Variants in CNTNAP4 observed in about 807,000 individuals in gnomAD.
CNTNAP4 encodes the protein contactin-associated protein-like 4.
CNTNAP4 carries 98 observed loss-of-function variants against 148.4 expected under a neutral mutation model. That is an observed-to-expected ratio of 0.66 (90% CI 0.56 to 0.78). CNTNAP4 has a LOEUF of 0.78. Ranked by LOEUF, CNTNAP4 falls within the 30% of genes least tolerant of loss-of-function variation. The pLI is 0.00. For missense variants in CNTNAP4, 1,935 were observed against 1,565.6 expected, an observed-to-expected ratio of 1.24 and a Z score of -3.98; for synonymous variants, 730 against 565.1, an observed-to-expected ratio of 1.29 and a Z score of -4.14.
chr16:76,430,238 T>A (rs1163514245), intron 4 of CNTNAP4, among the ~76,000 whole-genome samples: 2 of 152,208 alleles, frequency 1.3e-5, no homozygotes, highest in East Asian at 3.8e-4. Context: ...TCTTCTGATT[T>A]GTTCCTAGTA....
chr16:76,387,626 C>A (rs1046893684), intron 3 of CNTNAP4, among the ~76,000 whole-genome samples: 2 of 152,050 alleles, frequency 1.3e-5, no homozygotes, highest in African/African-American at 4.8e-5. Context: ...AGCAATTGCC[C>A]TCTGAAACTT....
At chr16:76,377,025 C>G (rs143631288) in intron 3 of CNTNAP4, among the ~76,000 whole-genome samples, 24 of 151,038 alleles carry the variant, frequency 1.6e-4, no homozygotes, top group African/African-American at 5.4e-4. Flanking sequence ...CTCGTGCAAT[C>G]GACAGGCTTG....
intron 3 of CNTNAP4, among the ~76,000 whole-genome samples, chr16:76,371,402 C>T (rs2014804934): frequency 1.3e-5 from 2 of 152,326 alleles, no homozygotes; most frequent in Admixed American, 1.3e-4. Flanking sequence ...TCTCCTGCCT[C>T]AGCCTCCTGA....
chr16:76,412,729 A>G (rs552785358), intron 3 of CNTNAP4, among the ~76,000 whole-genome samples: 3 of 151,430 alleles, frequency 2.0e-5, no homozygotes, highest in African/African-American at 7.2e-5. Flanking sequence ...GGATACTAAT[A>G]TACTGAAAAA....
chr16:76,474,926 A>G (rs2081509395), intron 10 of CNTNAP4, among the ~76,000 whole-genome samples: 1 of 152,226 alleles, frequency 6.6e-6, no homozygotes, highest in Admixed American at 6.5e-5. Context: ...ATTATTTTTA[A>G]TTAAACACAG....
chr16:76,499,327 C>A (rs1329276709), intron 15 of CNTNAP4, among the ~76,000 whole-genome samples: 1 of 152,088 alleles, frequency 6.6e-6, no homozygotes, highest in East Asian at 1.9e-4. Context: ...TCCATTCATA[C>A]CTCCAGTCAC....
At position 76,560,642 on chromosome 16, in the gene CNTNAP4, C is replaced by G. The variant is rs1260375475; in HGVS notation, c.*1959C>G. On this transcript the variant is annotated 3_prime_UTR_variant, in exon 24 of 24. Transcript: ENST00000611870. ...TCACAGTCCTCTGTGGTCTGCACTG[C>G]TAGAGACTCAACATTATGGCATGGA... 6.6e-6 allele frequency among the ~76,000 whole-genome samples: 1 copy of G among 152,164 alleles called. No homozygotes were observed. Among genetic ancestry groups the G allele is most frequent in the Admixed American group, 6.5e-5 (1 of 15,274 alleles).
rs372239002 is a variant in CNTNAP4 at position 76,489,993 on chromosome 16, TATA to T, written c.2080+111_2080+113del. ...AGTGGTGGTGTCTAGCCACTGAGGGTATATGATCTCACATACTTAGTAAACATG... is the reference window on the plus strand; with the variant it reads ...AGTGGTGGTGTCTAGCCACTGAGGGTTGATCTCACATACTTAGTAAACATG... On this transcript the variant is annotated intron_variant, in intron 13 of 23. Transcript: ENST00000611870. 1,995 of 570,426 alleles carry T rather than the reference TATA, an allele frequency of 3.5e-3. 16 individuals are homozygous for T. The highest frequency in any genetic ancestry group is 0.018 in the South Asian group (389 of 22,130). The allele number at this position is 570,426 out of a possible 1,614,324, so 35.3% of individuals were successfully genotyped here.
chr16:76,390,050 C>T (rs1394238136), intron 3 of CNTNAP4, among the ~76,000 whole-genome samples: 1 of 152,080 alleles, frequency 6.6e-6, no homozygotes, highest in African/African-American at 2.4e-5. Flanking sequence ...TTCTAGGAGC[C>T]AGTATACTTC....
At position 76,560,661 on chromosome 16, in the gene CNTNAP4, G is replaced by T. The variant is rs1401956104; in HGVS notation, c.*1978G>T. On this transcript the variant is annotated 3_prime_UTR_variant, in exon 24 of 24. Coordinates refer to ENST00000611870, the MANE Select transcript of CNTNAP4 (RefSeq NM_033401.5). ...GCACTGCTAGAGACTCAACATTATG[G>T]CATGGAAATGCATTGACACATCCTA... is the stretch of plus-strand genomic sequence containing the variant. Among the ~76,000 whole-genome samples the T allele has an allele frequency of 6.6e-6, 1 of 152,264 alleles. No homozygotes were observed. The highest frequency in any genetic ancestry group is 1.5e-5 in the Non-Finnish European group (1 of 68,010).
intron 8 of CNTNAP4, among the ~76,000 whole-genome samples, chr16:76,459,143 C>A (rs8053155): frequency 0.5 from 75,269 of 151,904 alleles, 18,841 homozygotes; most frequent in African/African-American, 0.58. Flanking sequence ...AATGAGATGT[C>A]GGAGAAATGC....
At chr16:76,485,599 A>G (rs1354707158) in intron 12 of CNTNAP4, among the ~76,000 whole-genome samples, 1 of 152,154 alleles carries the variant, frequency 6.6e-6, no homozygotes, top group Non-Finnish European at 1.5e-5. Context: ...TGGTCCCATT[A>G]CTGAGACTCC....
intron 23 of CNTNAP4, chr16:76,557,319 A>G (rs577328720): frequency 7.2e-5 from 11 of 152,176 alleles, no homozygotes; most frequent in African/African-American, 2.4e-4. Context: ...CTGAACAACC[A>G]TAGTTTGTCT....
chr16:76,335,028 C>T (rs911487185), intron 2 of CNTNAP4, among the ~76,000 whole-genome samples: 9 of 151,984 alleles, frequency 5.9e-5, no homozygotes, highest in African/African-American at 1.2e-4. Flanking sequence ...GGCAAGCACT[C>T]GATAGACACC....
rs1387057414 is a variant in CNTNAP4, at chr16:76,508,541, T to G, written c.2365+9847T>G. 4.4e-5 allele frequency among the ~76,000 whole-genome samples: 4 copies of G among 91,480 alleles called. 2 individuals carry two copies. Among genetic ancestry groups the G allele is most frequent in the Non-Finnish European group, 1.2e-4 (4 of 33,182 alleles). The allele number at this position is 91,480 out of a possible 152,430, so 60.0% of individuals were successfully genotyped here. On this transcript the variant is annotated intron_variant, in intron 15 of 23. Transcript: ENST00000611870. ...TGGTCTATTTTGCTTTTTTTTTTTG[T>G]TCACTTTTTTATTACCAACCAATAA... is the stretch of plus-strand genomic sequence containing the variant.
chr16:76,450,793 T>C (rs981144648), intron 7 of CNTNAP4, among the ~76,000 whole-genome samples: 19 of 152,030 alleles, frequency 1.2e-4, no homozygotes, highest in Admixed American at 6.6e-5. Flanking sequence ...CTTGGTTAGG[T>C]TTCAGTTAGG....
chr16:76,470,749 T>A (rs192269278), intron 10 of CNTNAP4, among the ~76,000 whole-genome samples: 355 of 150,998 alleles, frequency 2.4e-3, no homozygotes, highest in Middle Eastern at 6.8e-3. Context: ...AAAAAAAAAC[T>A]GTAATACTTT....
At chr16:76,415,844 ATTTT>A (rs965383630) in intron 3 of CNTNAP4, among the ~76,000 whole-genome samples, 1 of 150,478 alleles carries the variant, frequency 6.6e-6, no homozygotes, top group Non-Finnish European at 1.5e-5. Flanking sequence ...TCTACAAAAT[ATTTT>A]TTTAATTGTT....
chr16:76,280,917 G>T (rs535910410), intron 1 of CNTNAP4, among the ~76,000 whole-genome samples: 144 of 152,194 alleles, frequency 9.5e-4, no homozygotes, highest in Middle Eastern at 6.8e-3. Context: ...ATAAGAGTTT[G>T]CTTTTATTTT....
Sources: gnomAD v4.1 joint callset for allele counts (sites outside exome capture counted in the v4.1 genomes callset) on GRCh38, gnomAD v4.1.1 for gene constraint, MANE v1.5 for transcripts, NCBI Gene and HGNC (gene_info 2026-07-23, HGNC 2026-07-21) for gene names.